The following APBA1 variants were observed in gnomAD, a reference collection of about 807,000 sequenced individuals.
APBA1 encodes the protein amyloid-beta A4 precursor protein-binding family A member 1.
A neutral mutation model predicts 86.6 loss-of-function variants in APBA1; 55 were observed. The ratio of observed to expected loss-of-function variants is 0.64; its 90% CI spans 0.51 to 0.80. APBA1 has a LOEUF of 0.80. Ranked by LOEUF, APBA1 falls within the 30% of genes least tolerant of loss-of-function variation. The pLI, the probability that APBA1 is intolerant of heterozygous loss-of-function variation, is 0.00. For synonymous variants in APBA1, 511 were observed against 493.9 expected, an observed-to-expected ratio of 1.03 and a Z score of -0.46; for missense variants, 1,090 against 1,183.0, an observed-to-expected ratio of 0.92 and a Z score of 1.15.
chr9:69,541,462 T>C (rs191015928), intron 1 of APBA1, among the ~76,000 whole-genome samples: 144 of 152,322 alleles, frequency 9.5e-4, no homozygotes, highest in Non-Finnish European at 1.8e-3. Context: ...ATTAGTGATG[T>C]TAAGCATCTT....
intron 1 of APBA1, among the ~76,000 whole-genome samples, chr9:69,640,484 A>T (rs2134007269): frequency 6.6e-6 from 1 of 152,086 alleles, no homozygotes; most frequent in African/African-American, 2.4e-5. Flanking sequence ...GTATATAATA[A>T]TATTACAGAG....
chr9:69,570,788 TG>T (rs1837102959), intron 1 of APBA1, among the ~76,000 whole-genome samples: 2 of 152,142 alleles, frequency 1.3e-5, no homozygotes, highest in Admixed American at 1.3e-4. Context: ...TATACAAACA[TG>T]AACAGGCTAT....
chr9:69,523,508 T>TAGACACAC (rs1277123660), intron 1 of APBA1, among the ~76,000 whole-genome samples: 7 of 31,786 alleles, frequency 2.2e-4, no homozygotes, highest in Non-Finnish European at 5.1e-4. Context: ...TATATATATA[T>TAGACACAC]ATATATATAT....
At chr9:69,495,346 C>T (rs1156890992) in intron 2 of APBA1, among the ~76,000 whole-genome samples, 1 of 152,184 alleles carries the variant, frequency 6.6e-6, no homozygotes, top group Non-Finnish European at 1.5e-5. Context: ...ACCTCTCCTT[C>T]GTGACACTCA....
intron 10 of APBA1, among the ~76,000 whole-genome samples, chr9:69,442,725 A>T (rs2133796610): frequency 6.6e-6 from 1 of 152,364 alleles, no homozygotes; most frequent in East Asian, 1.9e-4. Context: ...CTTATTCTAT[A>T]AATAGAATTC....
intron 1 of APBA1, among the ~76,000 whole-genome samples, chr9:69,658,276 C>CTTTCTT (rs1554709940): frequency 0.068 from 5,326 of 78,484 alleles, 403 homozygotes; most frequent in Admixed American, 0.082. Flanking sequence ...TTCTTTCTTT[C>CTTTCTT]TTTCTTTCTC....
chr9:69,573,639 A>G (rs879824655), intron 1 of APBA1, among the ~76,000 whole-genome samples: 1 of 152,186 alleles, frequency 6.6e-6, no homozygotes, highest in African/African-American at 2.4e-5. Context: ...CTCTAAATGA[A>G]CCCACTAAAT....
intron 2 of APBA1, among the ~76,000 whole-genome samples, chr9:69,486,124 G>C (rs542801060): frequency 6.6e-6 from 1 of 152,030 alleles, no homozygotes; most frequent in South Asian, 2.1e-4. Flanking sequence ...GCTAATTTTT[G>C]TATTTTTGGT....
Position 69,517,073 on chromosome 9 carries a change from G to GTGC in APBA1, c.135_137dup (p.Gln45dup), listed in dbSNP as rs1272421542. ...GCCCGCGCTGGTGGCGGCCCACATA[G>GTGC]TGCTGCTGCTGCGGCGGCTGCTGCT... On this transcript the variant is annotated inframe_insertion, in exon 2 of 13. Coordinates refer to ENST00000265381, the MANE Select transcript of APBA1 (RefSeq NM_001163.4). The GTGC allele has an allele frequency of 1.9e-6, 3 of 1,585,644 alleles. No homozygotes were observed. The highest frequency in any genetic ancestry group is 1.3e-5 in the African/African-American group (1 of 74,488).
At chr9:69,435,962 G>A (rs1010930692) in intron 11 of APBA1, among the ~76,000 whole-genome samples, 2 of 152,086 alleles carry the variant, frequency 1.3e-5, no homozygotes, top group African/African-American at 2.4e-5. Context: ...TTTATAAGGT[G>A]TAAGGAAGGG....
At chr9:69,536,206 A>ATCC (rs1836507612) in intron 1 of APBA1, among the ~76,000 whole-genome samples, 1 of 149,624 alleles carries the variant, frequency 6.7e-6, no homozygotes, top group African/African-American at 2.4e-5. Context: ...CTCCTCATAG[A>ATCC]TTATATCCTT....
In APBA1 at chr9:69,548,495, A is replaced by G. The variant is rs558471742; in HGVS notation, c.-69-31216T>C. 3.9e-5 allele frequency among the ~76,000 whole-genome samples: 6 copies of G among 152,362 alleles called. No individual in the cohort carries two copies. The East Asian group carries it at 7.7e-4, about 20-fold the overall frequency. ...ATATAAGTGGGTTGGCAGAGGCTGC[A>G]AGCTCTTCCGAAATATTCTTCATAG... On this transcript the variant is annotated intron_variant, in intron 1 of 12. Transcript: ENST00000265381.
intron 1 of APBA1, 81 bp downstream of exon 1, chr9:69,672,072 T>G (rs921089977): frequency 1.3e-5 from 2 of 153,094 alleles, no homozygotes; most frequent in Non-Finnish European, 2.9e-5. Flanking sequence ...GGGGGCGCCC[T>G]TTGGCGAGGA....
rs1411736796 is a variant in APBA1 at position 69,619,661 on chromosome 9, G to A, written c.-70+52492C>T. Reference sequence around the variant, plus strand: ...TCCCCAACTCACTTGTGCTTGGATTGGGAAAAACAGAGAAGCCAAGTTGAA... The same window carrying A: ...TCCCCAACTCACTTGTGCTTGGATTAGGAAAAACAGAGAAGCCAAGTTGAA... On this transcript the variant is annotated intron_variant, in intron 1 of 12. Coordinates refer to ENST00000265381, the MANE Select transcript of APBA1 (RefSeq NM_001163.4). Among the ~76,000 whole-genome samples the A allele has an allele frequency of 4.6e-5, 7 of 152,122 alleles. No homozygotes were observed. In the South Asian group the frequency reaches 1.5e-3, roughly 32 times the overall value.
At chr9:69,626,262 G>C (rs1435967641) in intron 1 of APBA1, among the ~76,000 whole-genome samples, 3 of 152,162 alleles carry the variant, frequency 2.0e-5, no homozygotes, top group Non-Finnish European at 4.4e-5. Context: ...CAGTGCCTCA[G>C]ATTTTGGCCA....
chr9:69,455,571 T>A (rs1835082229), intron 8 of APBA1, among the ~76,000 whole-genome samples: 1 of 152,194 alleles, frequency 6.6e-6, no homozygotes, highest in Admixed American at 6.5e-5. Context: ...TAGGAACCAC[T>A]GGCTTTGTGC....
At chr9:69,537,292 T>C (rs1387128098) in intron 1 of APBA1, among the ~76,000 whole-genome samples, 2 of 152,024 alleles carry the variant, frequency 1.3e-5, no homozygotes, top group African/African-American at 4.8e-5. Flanking sequence ...AAAGCTGAAT[T>C]GGATGATGTG....
intron 1 of APBA1, among the ~76,000 whole-genome samples, chr9:69,575,250 A>G (rs1255486922): frequency 6.6e-6 from 1 of 152,142 alleles, no homozygotes; most frequent in Non-Finnish European, 1.5e-5. Context: ...AGCATAAAAT[A>G]TTATCAATAT....
chr9:69,431,311 C>G lies in APBA1; in HGVS notation c.*16G>C. ...AGAGGAGAGTCCTCCATGCATGCCA[C>G]CGCGTGTGGCCGCGGTCAGATGTAA... On this transcript the variant is annotated 3_prime_UTR_variant, in exon 13 of 13. Coordinates refer to ENST00000265381, the MANE Select transcript of APBA1 (RefSeq NM_001163.4). 6.3e-7 allele frequency: 1 copy of G among 1,586,232 alleles called. No homozygotes were observed. Among genetic ancestry groups the G allele is most frequent in the South Asian group, 1.2e-5 (1 of 86,450 alleles).
Sources: gnomAD v4.1 joint callset for allele counts (sites outside exome capture counted in the v4.1 genomes callset) on GRCh38, gnomAD v4.1.1 for gene constraint, MANE v1.5 for transcripts, NCBI Gene and HGNC (gene_info 2026-07-23, HGNC 2026-07-21) for gene names.